The following MYO9B variants were observed in gnomAD, a reference collection of about 807,000 sequenced individuals.
MYO9B encodes the protein myosin IXB, also known as unconventional myosin-IXb.
Under a neutral mutation model 229.5 loss-of-function variants are expected in MYO9B, and 71 were observed. The ratio of observed to expected loss-of-function variants is 0.31; its 90% CI spans 0.26 to 0.38. MYO9B has a LOEUF of 0.38. Among genes scored for constraint, MYO9B ranks in the 10% least tolerant of loss-of-function variants. MYO9B has a pLI of 1.00. For synonymous variants in MYO9B, 1,185 were observed against 1,235.8 expected (o/e 0.96, Z 0.86); for missense variants, 2,255 against 2,920.5 (o/e 0.77, Z 5.25).
chr19:17,111,420 T>C (rs1319157317), intron 2 of MYO9B, among the ~76,000 whole-genome samples: 1 of 152,234 alleles, frequency 6.6e-6, no homozygotes. Flanking sequence ...TTTATAAATA[T>C]ATAGATTAAA....
intron 2 of MYO9B, among the ~76,000 whole-genome samples, chr19:17,104,640 G>A (rs527332383): frequency 6.6e-6 from 1 of 151,966 alleles, no homozygotes; most frequent in East Asian, 1.9e-4. Flanking sequence ...TCCCCAGGCT[G>A]GTCTCGAACT....
At chr19:17,149,130 A>G (rs975344053) in intron 3 of MYO9B, among the ~76,000 whole-genome samples, 5 of 151,600 alleles carry the variant, frequency 3.3e-5, no homozygotes, top group Non-Finnish European at 7.4e-5. Context: ...GCACACCCCC[A>G]CACCTGGCTA....
intron 1 of MYO9B, among the ~76,000 whole-genome samples, chr19:17,086,426 A>G (rs947133563): frequency 1.1e-4 from 17 of 152,184 alleles, no homozygotes; most frequent in African/African-American, 4.1e-4. Context: ...GCGCCGCCCC[A>G]CAGGTTCCTA....
intron 2 of MYO9B, among the ~76,000 whole-genome samples, chr19:17,142,830 A>G (rs2072358658): frequency 6.6e-6 from 1 of 152,312 alleles, no homozygotes; most frequent in East Asian, 1.9e-4. Flanking sequence ...GCAGGCGATT[A>G]AAAAAACAAG....
intron 38 of MYO9B, 121 bp downstream of exon 38, chr19:17,210,969 AAAC>A (rs2073221060): frequency 1.0e-6 from 1 of 997,658 alleles, no homozygotes; most frequent in African/African-American, 1.7e-5. Flanking sequence ...AACACTGGGC[AAAC>A]AACACTTTTT....
chr19:17,158,229 T>G (rs1174180084), intron 7 of MYO9B, among the ~76,000 whole-genome samples: 36 of 152,340 alleles, frequency 2.4e-4, no homozygotes, highest in Non-Finnish European at 4.4e-5. Flanking sequence ...GAGCCCCAGC[T>G]TCTGTTGAGT....
chr19:17,195,933 C>G lies in MYO9B; in HGVS notation c.4046+460C>G, dbSNP rs971616769. On this transcript the variant is annotated intron_variant, in intron 22 of 39. Coordinates refer to ENST00000682292, the MANE Select transcript of MYO9B (RefSeq NM_004145.4). This position sits in a 1 kb window ranked among gnomAD's most constrained non-coding sequence, Gnocchi z 4.5. Reference sequence around the variant, plus strand: ...GCCTGCAGGACCAAAGGAAAGAAATCAGGGAGGAGACAGGCCTTCCCTGCA... The same window carrying G: ...GCCTGCAGGACCAAAGGAAAGAAATGAGGGAGGAGACAGGCCTTCCCTGCA... Among the ~76,000 whole-genome samples the G allele has an allele frequency of 6.6e-6, 1 of 151,916 alleles. No individual in the cohort carries two copies. The highest frequency in any genetic ancestry group is 2.4e-5 in the African/African-American group (1 of 41,354).
intron 2 of MYO9B, among the ~76,000 whole-genome samples, chr19:17,143,942 A>G (rs1458848759): frequency 2.6e-5 from 4 of 152,054 alleles, no homozygotes; most frequent in Non-Finnish European, 2.9e-5. Flanking sequence ...GAAAAGAAAA[A>G]GAAAAATAAC....
intron 20 of MYO9B, among the ~76,000 whole-genome samples, 167 bp downstream of exon 20, chr19:17,191,386 C>T (rs1304631251): frequency 6.6e-6 from 1 of 152,160 alleles, no homozygotes; most frequent in East Asian, 1.9e-4. Flanking sequence ...ATAGGGGCCG[C>T]CCTGGCTGAG....
At chr19:17,200,272 G>A (rs745972602) in intron 24 of MYO9B, 21 bp from the exon 25 acceptor site, 6 of 1,599,794 alleles carry the variant, frequency 3.8e-6, no homozygotes, top group Middle Eastern at 1.7e-4. Flanking sequence ...CTTAAAAGAA[G>A]CCACGTACTT....
At chr19:17,127,854 C>T (rs538808300) in intron 2 of MYO9B, among the ~76,000 whole-genome samples, 3 of 152,354 alleles carry the variant, frequency 2.0e-5, no homozygotes, top group Admixed American at 2.0e-4. Flanking sequence ...TCACCACCTG[C>T]CCCTTCGCAG....
At chr19:17,158,686 C>T (rs11672256) in intron 7 of MYO9B, among the ~76,000 whole-genome samples, 2 of 151,766 alleles carry the variant, frequency 1.3e-5, no homozygotes, top group African/African-American at 2.4e-5. Context: ...CTTGGCAGTG[C>T]GGGGAGGGAT....
intron 2 of MYO9B, among the ~76,000 whole-genome samples, chr19:17,111,898 C>G (rs1335732473): frequency 5.3e-5 from 8 of 152,324 alleles, no homozygotes; most frequent in Non-Finnish European, 8.8e-5. Flanking sequence ...CCTTTTGTGT[C>G]TGGCTTCTCT....
At chr19:17,153,384 T>TA (rs79301576) in intron 4 of MYO9B, among the ~76,000 whole-genome samples, 1,487 of 136,024 alleles carry the variant, frequency 0.011, 16 homozygotes, top group African/African-American at 0.028. Context: ...TTGTCTCTTT[T>TA]AAAAAAAAAA....
intron 1 of MYO9B, among the ~76,000 whole-genome samples, chr19:17,092,048 C>T (rs1267161854): frequency 1.3e-5 from 2 of 152,192 alleles, no homozygotes; most frequent in Non-Finnish European, 2.9e-5. Flanking sequence ...CAAGTGCAGC[C>T]GTCCATGTGG....
intron 30 of MYO9B, among the ~76,000 whole-genome samples, chr19:17,205,033 C>A (rs553788856): frequency 7.1e-4 from 108 of 152,252 alleles, no homozygotes; most frequent in African/African-American, 2.5e-3. Context: ...CACCTGTAAT[C>A]CCAGCTACTC....
rs1223005396 is a variant in MYO9B at position 17,210,335 on chromosome 19, A to G, written c.5751A>G (p.Pro1917=). 12 of 1,597,362 alleles carry G rather than the reference A, an allele frequency of 7.5e-6. No homozygotes were observed. Among genetic ancestry groups the G allele is most frequent in the Non-Finnish European group, 1.0e-5 (12 of 1,171,676 alleles). Residue 1917 remains proline, a splice_region_variant and synonymous_variant, in exon 37 of 40, where the codon CCA becomes CCG. Transcript: ENST00000682292. ...CCCTGTGTTCATCTCTCTCCCAGCCATGGCCTCTCAAACTGGGGTTTTCGT... is the reference window on the plus strand; with the variant it reads ...CCCTGTGTTCATCTCTCTCCCAGCCGTGGCCTCTCAAACTGGGGTTTTCGT... The part of the protein sequence containing the change: ...RRLSLLRQNA[P]WPLKLGFSSP...
intron 6 of MYO9B, among the ~76,000 whole-genome samples, chr19:17,155,861 A>C (rs898777729): frequency 6.6e-6 from 1 of 152,126 alleles, no homozygotes; most frequent in African/African-American, 2.4e-5. Context: ...TCTACTAAAA[A>C]TATGAAAAAT....
chr19:17,144,096 G>A (rs1295364359), intron 2 of MYO9B, among the ~76,000 whole-genome samples: 1 of 151,322 alleles, frequency 6.6e-6, no homozygotes, highest in African/African-American at 2.4e-5. Context: ...CATGCCTGTG[G>A]TCGCAGCTAC....
Sources: allele counts gnomAD v4.1 joint callset (sites outside exome capture counted in the v4.1 genomes callset), GRCh38; gene constraint gnomAD v4.1.1; non-coding constraint Gnocchi (gnomAD v3.1); transcripts MANE v1.5; gene names NCBI Gene and HGNC (gene_info 2026-07-23, HGNC 2026-07-21).